Variants in LRRFIP1 observed in about 807,000 individuals in gnomAD.
The protein encoded by LRRFIP1 is LRR binding FLII interacting protein 1.
In LRRFIP1, 62 loss-of-function variants were observed where a neutral mutation model predicts 104.4. The ratio of observed to expected loss-of-function variants is 0.59; its 90% CI spans 0.48 to 0.73. The LOEUF (loss-of-function observed/expected upper bound fraction) is 0.73, where lower values mean the gene tolerates loss of function less well. Among genes scored for constraint, LRRFIP1 ranks in the 30% least tolerant of loss-of-function variants. LRRFIP1 has a pLI of 0.00. For missense variants in LRRFIP1, 796 were observed against 824.5 expected (o/e 0.97, Z 0.42); for synonymous variants, 300 against 299.0 (o/e 1.00, Z -0.03).
At chr2:237,651,582 G>A (rs34247950) in intron 1 of LRRFIP1, among the ~76,000 whole-genome samples, 20,277 of 152,086 alleles carry the variant, frequency 0.13, 1,861 homozygotes, top group Non-Finnish European at 0.21. Flanking sequence ...GCACCCTACA[G>A]TCTGGCTGCT....
chr2:237,688,010 G>A (rs1430822487), intron 1 of LRRFIP1, among the ~76,000 whole-genome samples: 2 of 152,244 alleles, frequency 1.3e-5, no homozygotes, highest in African/African-American at 4.8e-5. Flanking sequence ...TGATTCTGAT[G>A]TTCCTAGAAC....
chr2:237,743,090 A>T (rs1027649499), intron 11 of LRRFIP1, among the ~76,000 whole-genome samples: 1 of 151,998 alleles, frequency 6.6e-6, no homozygotes, highest in African/African-American at 2.4e-5. Flanking sequence ...CAGGGATGGG[A>T]TACAGTTGTT....
At position 237,735,098 on chromosome 2, in the gene LRRFIP1, C is replaced by T. The variant is rs2095191478; in HGVS notation, c.490-170C>T. Among the ~76,000 whole-genome samples the T allele has an allele frequency of 6.6e-6, 1 of 152,186 alleles. No homozygotes were observed. The highest frequency in any genetic ancestry group is 2.4e-5 in the African/African-American group (1 of 41,440). On this transcript the variant is annotated intron_variant, in intron 9 of 23. Coordinates refer to ENST00000308482, the MANE Select transcript of LRRFIP1 (RefSeq NM_001137550.2). The surrounding 1 kb of genome is among the most constrained non-coding windows in gnomAD (Gnocchi z 4.6). ...GGTCTCTCCTCATTTCCTTGTCGCA[C>T]TCTGCAACCCTTTGAAGAGCTGGAA...
At chr2:237,706,053 C>T (rs574038512) in intron 1 of LRRFIP1, among the ~76,000 whole-genome samples, 1 of 152,346 alleles carries the variant, frequency 6.6e-6, no homozygotes, top group East Asian at 1.9e-4. Context: ...TACTTTTTGC[C>T]ATGTAATACA....
At chr2:237,733,681 G>A in intron 8 of LRRFIP1, 93 bp from the exon 9 acceptor site, 1 of 1,268,088 alleles carries the variant, frequency 7.9e-7, no homozygotes, top group African/African-American at 1.5e-5. Flanking sequence ...GTTGGCTATG[G>A]TGAATGCTGA....
At chr2:237,692,303 T>A (rs2092852287) in intron 1 of LRRFIP1, 1 of 1,206,620 alleles carries the variant, frequency 8.3e-7, no homozygotes, top group Non-Finnish European at 1.0e-6. Context: ...CCCGGCGGGC[T>A]GGCTCCTGGC....
chr2:237,762,491 CTG>C, intron 19 of LRRFIP1: 1 of 820,992 alleles, frequency 1.2e-6, no homozygotes, highest in Non-Finnish European at 1.9e-6. Context: ...TTTGATGACT[CTG>C]TCTTTAGGAA....
intron 1 of LRRFIP1, among the ~76,000 whole-genome samples, chr2:237,633,019 GGT>G: frequency 6.6e-6 from 1 of 152,352 alleles, no homozygotes; most frequent in Admixed American, 6.5e-5. Flanking sequence ...GCTGGACACT[GGT>G]TTGCCATTGG....
intron 21 of LRRFIP1, chr2:237,772,582 G>A (rs1409145134): frequency 5.8e-6 from 3 of 515,110 alleles, no homozygotes; most frequent in East Asian, 3.2e-5. Context: ...GTCTCTCTCC[G>A]CCCTTTTCCC....
intron 9 of LRRFIP1, among the ~76,000 whole-genome samples, chr2:237,734,382 G>T (rs2095161812): frequency 7.0e-6 from 1 of 143,556 alleles, no homozygotes; most frequent in Non-Finnish European, 1.5e-5. Context: ...CCAGGTTCAA[G>T]TGAGTCTCCT....
In LRRFIP1 at chr2:237,779,834, T is replaced by A. The variant is rs1168519083; in HGVS notation, c.*302T>A. On this transcript the variant is annotated 3_prime_UTR_variant, in exon 24 of 24. Transcript: ENST00000308482. ...GTCTGACCGCACAGCAGCCTCTGAA[T>A]GCCGCTGGAAGTGATGATCAAAGTA... The A allele has an allele frequency of 1.5e-5, 3 of 203,398 alleles. No individual in the cohort carries two copies. In the Admixed American group the frequency reaches 1.7e-4, roughly 12 times the overall value. 12.6% of individuals were successfully genotyped at this position (203,398 alleles called of 1,614,324 possible).
chr2:237,692,282 G>A (rs1318629977), intron 1 of LRRFIP1: 1 of 1,177,440 alleles, frequency 8.5e-7, no homozygotes, highest in Non-Finnish European at 1.1e-6. Context: ...GCCCAGCGCC[G>A]CGAGCCGCTC....
chr2:237,755,143 G>T lies in LRRFIP1; in HGVS notation c.1039-952G>T, dbSNP rs778130959. 7.2e-5 allele frequency among the ~76,000 whole-genome samples: 11 copies of T among 152,208 alleles called. 1 individual carries two copies. The highest frequency in any genetic ancestry group is 4.6e-4 in the Admixed American group (7 of 15,288). On this transcript the variant is annotated intron_variant, in intron 15 of 23. Coordinates refer to ENST00000308482, the MANE Select transcript of LRRFIP1 (RefSeq NM_001137550.2). ...AGCAAAGTGAGTTGGGTCTCAGGCC[G>T]TCACCAGGGATTGCGCTGCTGTGAC...
intron 1 of LRRFIP1, among the ~76,000 whole-genome samples, chr2:237,695,016 G>T (rs1372868448): frequency 1.3e-5 from 2 of 152,214 alleles, no homozygotes; most frequent in African/African-American, 4.8e-5. Flanking sequence ...GGAGAGTGGA[G>T]TCTTGACCAA....
intron 20 of LRRFIP1, 51 bp from the exon 21 acceptor site, chr2:237,772,030 G>A (rs1369701628): frequency 1.0e-5 from 14 of 1,339,958 alleles, no homozygotes; most frequent in Non-Finnish European, 1.5e-5. Context: ...CAGCTTTTCG[G>A]TCTCATTCAG....
intron 8 of LRRFIP1, among the ~76,000 whole-genome samples, chr2:237,729,089 AT>A (rs1354657684): frequency 1.3e-5 from 2 of 151,888 alleles, no homozygotes; most frequent in Non-Finnish European, 2.9e-5. Context: ...CACCTGGCTA[AT>A]TTTTTTTGTA....
intron 1 of LRRFIP1, among the ~76,000 whole-genome samples, chr2:237,694,054 G>T (rs55961000): frequency 2.1e-4 from 32 of 152,184 alleles, no homozygotes; most frequent in African/African-American, 7.7e-4. Context: ...CGGAAGGTTT[G>T]TGTTTTGTTT....
chr2:237,683,484 C>T (rs1368008251), intron 1 of LRRFIP1: 2 of 152,218 alleles, frequency 1.3e-5, no homozygotes, highest in Admixed American at 6.5e-5. Flanking sequence ...CTAAGATCTT[C>T]ATTCTTCAAA....
intron 1 of LRRFIP1, among the ~76,000 whole-genome samples, chr2:237,660,027 A>C (rs1458626711): frequency 1.3e-5 from 2 of 152,244 alleles, no homozygotes; most frequent in Admixed American, 1.3e-4. Flanking sequence ...TTTGTCTTAC[A>C]TAGACATTAA....
Sources: allele counts gnomAD v4.1 joint callset (sites outside exome capture counted in the v4.1 genomes callset), GRCh38; gene constraint gnomAD v4.1.1; non-coding constraint Gnocchi (gnomAD v3.1); transcripts MANE v1.5; gene names NCBI Gene and HGNC (gene_info 2026-07-23, HGNC 2026-07-21).